The following RASGRP3 variants were observed in gnomAD, a reference collection of about 807,000 sequenced individuals.
RASGRP3 encodes the protein ras guanyl-releasing protein 3.
In RASGRP3, 54 loss-of-function variants were observed where a neutral mutation model predicts 82.7. That is an observed-to-expected ratio of 0.65 (90% CI 0.52 to 0.82). The LOEUF (loss-of-function observed/expected upper bound fraction) is 0.82, where lower values mean the gene tolerates loss of function less well. RASGRP3 is among the 40% of genes least tolerant of loss of function. RASGRP3 has a pLI of 0.00. For synonymous variants in RASGRP3, 309 were observed against 300.5 expected (o/e 1.03, Z -0.29); for missense variants, 861 against 828.9 (o/e 1.04, Z -0.48).
At chr2:33,471,954 C>G (rs1056496401), upstream of RASGRP3, among the ~76,000 whole-genome samples, 1 of 151,974 alleles carries the variant, frequency 6.6e-6, no homozygotes, top group African/African-American at 2.4e-5. Context: ...TTTTGACTTA[C>G]ACTTTTGTAA....
rs1170217165 is a variant in RASGRP3 at position 33,450,822 on chromosome 2, C to CTTTTTTTTTTTTTTTTTTTTTTTTTT, written c.-261+2887_-261+2912dup. 8.4e-4 allele frequency among the ~76,000 whole-genome samples: 16 copies of CTTTTTTTTTTTTTTTTTTTTTTTTTT among 18,978 alleles called. 2 individuals carry two copies. The highest frequency in any genetic ancestry group is 1.3e-3 in the Non-Finnish European group (12 of 9,050). The allele number at this position is 18,978 out of a possible 152,430, so 12.5% of individuals were successfully genotyped here. ...TCTTTCTTTTTCTCTTTCTTTCTTT[C>CTTTTTTTTTTTTTTTTTTTTTTTTTT]TTTTTTTTTTTTTTTTTTTTTTTTT... On this transcript the variant is annotated intron_variant, in intron 2 of 18. Coordinates refer to the RASGRP3 transcript ENST00000402538.
rs762217460 is a variant in RASGRP3, at chr2:33,523,775, G to C, written c.517-104G>C. On this transcript the variant is annotated intron_variant, in intron 7 of 17. Transcript: ENST00000403687. ...TTGTAAATGTGAAATAAAAGAAATT[G>C]TGTTGTTACGAAACAATATCTCACC... is the stretch of plus-strand genomic sequence containing the variant. 156 of 1,129,044 alleles carry C rather than the reference G, an allele frequency of 1.4e-4. 1 individual carries two copies. Among genetic ancestry groups the C allele is most frequent in the Middle Eastern group, 2.4e-4 (1 of 4,082 alleles). 69.9% of individuals were successfully genotyped at this position (1,129,044 alleles called of 1,614,324 possible). A position where few individuals can be genotyped will look rare whatever the true frequency, so the allele number is the denominator to read the frequency against.
chr2:33,486,368 A>G (rs1223841613), intron 1 of RASGRP3, among the ~76,000 whole-genome samples: 1 of 152,070 alleles, frequency 6.6e-6, no homozygotes, highest in Non-Finnish European at 1.5e-5. Context: ...GGGTTTTGCC[A>G]TATTGGCCAG....
chr2:33,531,305 T>G (rs1017710065), intron 10 of RASGRP3, among the ~76,000 whole-genome samples: 7 of 152,196 alleles, frequency 4.6e-5, no homozygotes, highest in African/African-American at 9.7e-5. Context: ...CAAATGTTCT[T>G]GAAATTCCAT....
intron 1 of RASGRP3, among the ~76,000 whole-genome samples, 180 bp from the exon 2 acceptor site, chr2:33,511,530 T>G (rs1221524540): frequency 6.6e-6 from 1 of 152,246 alleles, no homozygotes; most frequent in Non-Finnish European, 1.5e-5. Context: ...AAAAATTGTC[T>G]TACCAAATAA....
chr2:33,443,709 TAAAAAA>T (rs1161262477), intron 1 of RASGRP3, among the ~76,000 whole-genome samples: 21 of 98,226 alleles, frequency 2.1e-4, no homozygotes, highest in East Asian at 1.1e-3. Context: ...ATCCTGTCTC[TAAAAAA>T]AAAAAAAAAA....
intron 9 of RASGRP3, among the ~76,000 whole-genome samples, chr2:33,525,531 A>G (rs186036872): frequency 2.6e-5 from 4 of 151,972 alleles, no homozygotes; most frequent in South Asian, 2.1e-4. Flanking sequence ...AGTTTAAAAG[A>G]AAAAGAAAAA....
At position 33,563,325 on chromosome 2, in the gene RASGRP3, T is replaced by C. The variant is rs1676898579; in HGVS notation, c.*588T>C. On this transcript the variant is annotated 3_prime_UTR_variant, in exon 18 of 18. Coordinates refer to ENST00000403687, the MANE Select transcript of RASGRP3 (RefSeq NM_001139488.2). The stretch of plus-strand genomic sequence containing the variant: ...TGGAATGCAGTGATTCTTCTAATGA[T>C]GGTCAACTGCAAGGAGAAACTGTTT... 6.5e-6 allele frequency: 1 copy of C among 152,758 alleles called. No individual in the cohort carries two copies. Among genetic ancestry groups the C allele is most frequent in the Admixed American group, 6.5e-5 (1 of 15,298 alleles). The allele number at this position is 152,758 out of a possible 1,614,324, so 9.5% of individuals were successfully genotyped here.
intron 10 of RASGRP3, among the ~76,000 whole-genome samples, chr2:33,529,581 TTC>T (rs1488943228): frequency 6.6e-6 from 1 of 151,832 alleles, no homozygotes; most frequent in East Asian, 1.9e-4. Flanking sequence ...GGAGGAATCT[TTC>T]TCTCTCTGTC....
chr2:33,452,261 TTGG>T (rs561634714), intron 2 of RASGRP3, among the ~76,000 whole-genome samples: 192 of 152,318 alleles, frequency 1.3e-3, no homozygotes, highest in African/African-American at 4.4e-3. Context: ...ATTTTGTTGT[TTGG>T]TGGTGGTGTT....
At chr2:33,442,299 G>C (rs1400212947) in intron 1 of RASGRP3, among the ~76,000 whole-genome samples, 1 of 152,228 alleles carries the variant, frequency 6.6e-6, no homozygotes, top group East Asian at 1.9e-4. Flanking sequence ...AAGAGGCGGA[G>C]GTTGCAGTGA....
intron 3 of RASGRP3, among the ~76,000 whole-genome samples, chr2:33,516,322 G>A (rs1245131996): frequency 6.6e-6 from 1 of 152,192 alleles, no homozygotes; most frequent in Non-Finnish European, 1.5e-5. Flanking sequence ...GCAGGAAAAT[G>A]TTTGAACCCG....
intron 17 of RASGRP3, chr2:33,559,711 A>G: frequency 2.0e-6 from 1 of 496,750 alleles, no homozygotes. Flanking sequence ...GATATTCCTA[A>G]CATTTAAAGC....
chr2:33,473,366 C>A (rs1667176968), upstream of RASGRP3, among the ~76,000 whole-genome samples: 1 of 150,032 alleles, frequency 6.7e-6, no homozygotes, highest in Admixed American at 6.6e-5. Context: ...CTGGGCAACA[C>A]AGTGAGACTC....
intron 9 of RASGRP3, 151 bp from the exon 10 acceptor site, chr2:33,526,986 C>G: frequency 1.2e-6 from 1 of 846,158 alleles, no homozygotes; most frequent in Non-Finnish European, 1.8e-6. Flanking sequence ...TTCTAACTTT[C>G]TTTTTCCTGA....
chr2:33,438,329 G>A (rs557326333), intron 1 of RASGRP3, among the ~76,000 whole-genome samples: 55 of 152,316 alleles, frequency 3.6e-4, no homozygotes, highest in African/African-American at 9.6e-5. Context: ...TTGGGAGACC[G>A]AGGCGGGTGG....
intron 11 of RASGRP3, among the ~76,000 whole-genome samples, chr2:33,538,472 C>T (rs1323044762): frequency 6.6e-6 from 1 of 151,886 alleles, no homozygotes; most frequent in African/African-American, 2.4e-5. Flanking sequence ...CACTGCACTC[C>T]AGCCTGGGTG....
intron 1 of RASGRP3, among the ~76,000 whole-genome samples, chr2:33,505,153 T>TCATCACCACCAC (rs1553347435): frequency 2.7e-5 from 4 of 149,934 alleles, no homozygotes; most frequent in Admixed American, 2.0e-4. Flanking sequence ...ATCATCATCA[T>TCATCACCACCAC]CACCACCACC....
rs1676229746 is a variant in RASGRP3 at position 33,558,220 on chromosome 2, C to G, written c.1589C>G (p.Ala530Gly). 6.2e-7 allele frequency: 1 copy of G among 1,610,936 alleles called. No individual in the cohort carries two copies. The highest frequency in any genetic ancestry group is 1.7e-5 in the Admixed American group (1 of 59,528). ...KQGYKCKDCG[A>G]NCHKQCKDLL... ...CCTTGGAATTTTTCAGACTGTGGAG[C>G]CAATTGTCACAAACAGTGCAAAGAC... The change falls in exon 16 of 18, where the codon GCC becomes GGC. Residue 530 changes from alanine (A) to glycine (G), a missense_variant. Transcript: ENST00000403687.
Sources: allele counts gnomAD v4.1 joint callset (sites outside exome capture counted in the v4.1 genomes callset), GRCh38; gene constraint gnomAD v4.1.1; transcripts MANE v1.5; gene names NCBI Gene and HGNC (gene_info 2026-07-23, HGNC 2026-07-21).